EXD3: variants seen among roughly 807,000 people sequenced by gnomAD.
The protein encoded by EXD3 is exonuclease mut-7 homolog.
In EXD3, 92 loss-of-function variants were observed where a neutral mutation model predicts 98.0. That is an observed-to-expected ratio of 0.94 (90% confidence interval 0.79 to 1.12). The LOEUF (loss-of-function observed/expected upper bound fraction) is 1.12, where lower values mean the gene tolerates loss of function less well. Among genes scored for constraint, EXD3 ranks in the 50% most tolerant of loss-of-function variants. EXD3 has a pLI of 0.00. For synonymous variants in EXD3, 569 were observed against 526.0 expected (o/e 1.08, Z -1.12); for missense variants, 1,222 against 1,191.6 (o/e 1.03, Z -0.38).
intron 1 of EXD3, among the ~76,000 whole-genome samples, chr9:137,397,604 A>G (rs1257874907): frequency 6.6e-6 from 1 of 152,234 alleles, no homozygotes; most frequent in Non-Finnish European, 1.5e-5. Flanking sequence ...GAAGGCCTCA[A>G]AGTTATTGGT....
chr9:137,393,036 G>C lies in EXD3; in HGVS notation c.55+2267C>G. 1 of 636,386 alleles carries C rather than the reference G, an allele frequency of 1.6e-6. No individual in the cohort carries two copies. Among genetic ancestry groups the C allele is most frequent in the Non-Finnish European group, 2.8e-6 (1 of 353,882 alleles). 39.4% of individuals were successfully genotyped at this position (636,386 alleles called of 1,614,324 possible). ...GTGTCTGTTCCAGGGAGGGCCATTA[G>C]TGTTCCAGGGGGTGCTGAGGCTGTT... On this transcript the variant is annotated intron_variant, in intron 2 of 21. Transcript: ENST00000340951. This position sits in a 1 kb window ranked among gnomAD's most constrained non-coding sequence, Gnocchi z 4.6.
intron 17 of EXD3, among the ~76,000 whole-genome samples, chr9:137,345,134 G>A (rs1391041346): frequency 1.3e-5 from 2 of 152,238 alleles, no homozygotes; most frequent in African/African-American, 2.4e-5. Context: ...GGCGTTTCCC[G>A]CCACTACCTG....
At chr9:137,366,774 A>T in intron 6 of EXD3, 142 bp from the exon 7 acceptor site, 1 of 1,084,380 alleles carries the variant, frequency 9.2e-7, no homozygotes, top group Non-Finnish European at 1.3e-6. Context: ...TCGCCCGGCC[A>T]GTGCTCACGC....
intron 19 of EXD3, among the ~76,000 whole-genome samples, chr9:137,318,426 C>T (rs1420172983): frequency 6.6e-6 from 1 of 152,160 alleles, no homozygotes. Context: ...GCTGACGCCA[C>T]TGTTTCAGGA....
chr9:137,330,224 ACTACACAGGACTACACAGGAG>A (rs1040073631), intron 17 of EXD3, among the ~76,000 whole-genome samples: 2 of 122,606 alleles, frequency 1.6e-5, no homozygotes, highest in South Asian at 3.1e-4. Flanking sequence ...CTACACAGGA[ACTACACAGGACTACACAGGAG>A]CTACACAGGG....
intron 19 of EXD3, among the ~76,000 whole-genome samples, chr9:137,318,528 CAG>C (rs1211090050): frequency 3.9e-5 from 6 of 152,142 alleles, no homozygotes; most frequent in African/African-American, 1.4e-4. Context: ...CTGGCCATGT[CAG>C]GGGTTCATGG....
chr9:137,354,319 A>G lies in EXD3; in HGVS notation c.870+20T>C, dbSNP rs747043628. On this transcript the variant is annotated intron_variant, in intron 10 of 21. Coordinates refer to ENST00000340951, the MANE Select transcript of EXD3 (RefSeq NM_017820.5). Reference sequence around the variant, plus strand: ...CGCCCAGGCCGCCCTGCCGGCTTACAGGCAAGGGCACGAACTCACCTGCAC... The same window carrying G: ...CGCCCAGGCCGCCCTGCCGGCTTACGGGCAAGGGCACGAACTCACCTGCAC... The G allele has an allele frequency of 6.2e-7, 1 of 1,611,714 alleles. No individual in the cohort carries two copies. Among genetic ancestry groups the G allele is most frequent in the South Asian group, 1.1e-5 (1 of 90,932 alleles).
rs1321036167 is a variant in EXD3 at position 137,347,931 on chromosome 9, G to A, written c.1998+140C>T. 3.0e-5 allele frequency: 32 copies of A among 1,062,376 alleles called. No individual in the cohort carries two copies. Among genetic ancestry groups the A allele is most frequent in the Middle Eastern group, 3.2e-4 (1 of 3,112 alleles). The allele number at this position is 1,062,376 out of a possible 1,614,324, so 65.8% of individuals were successfully genotyped here. On this transcript the variant is annotated intron_variant, in intron 17 of 21. Transcript: ENST00000340951. The surrounding 1 kb of genome is among the most constrained non-coding windows in gnomAD (Gnocchi z 4.2). ...CAACCGCTCCATCCTTGGCCACCCC[G>A]TCCTGTTCCCAGAGCCTGCCTGGCA...
chr9:137,354,672 C>A (rs762673792), intron 9 of EXD3, 28 bp downstream of exon 9: 1 of 1,608,958 alleles, frequency 6.2e-7, no homozygotes, highest in Admixed American at 1.7e-5. Flanking sequence ...CGGCTGGCTG[C>A]CCCCAGGACC....
At chr9:137,355,120 G>A (rs1349047557) in intron 8 of EXD3, among the ~76,000 whole-genome samples, 4 of 152,178 alleles carry the variant, frequency 2.6e-5, no homozygotes, top group Admixed American at 6.6e-5. Context: ...AACCCTCGTG[G>A]ACAGAGCCGG....
intron 1 of EXD3, among the ~76,000 whole-genome samples, chr9:137,419,217 A>G (rs1838388368): frequency 6.6e-6 from 1 of 152,108 alleles, no homozygotes; most frequent in Non-Finnish European, 1.5e-5. Flanking sequence ...AAATTCTGAC[A>G]TGTCTTGGTA....
At chr9:137,365,697 C>T (rs923202033) in intron 7 of EXD3, 12 of 282,558 alleles carry the variant, frequency 4.2e-5, no homozygotes, top group African/African-American at 6.8e-5. Context: ...CATGCACACA[C>T]GTACACACCC....
At chr9:137,419,792 T>C (rs1019158020) in intron 1 of EXD3, among the ~76,000 whole-genome samples, 3 of 152,254 alleles carry the variant, frequency 2.0e-5, no homozygotes, top group Middle Eastern at 3.4e-3. Flanking sequence ...ATCACACCAG[T>C]AGACCAGATA....
intron 1 of EXD3, among the ~76,000 whole-genome samples, chr9:137,413,786 AC>A (rs1256843191): frequency 6.6e-6 from 1 of 151,620 alleles, no homozygotes; most frequent in Non-Finnish European, 1.5e-5. Context: ...CCCAAAGACA[AC>A]CAACCATGTG....
At chr9:137,335,790 G>A (rs1203881940) in intron 17 of EXD3, among the ~76,000 whole-genome samples, 1 of 152,148 alleles carries the variant, frequency 6.6e-6, no homozygotes, top group Non-Finnish European at 1.5e-5. Context: ...CCACTACTGA[G>A]TATCTACCCA....
chr9:137,314,665 C>G (rs1382921538), intron 19 of EXD3, among the ~76,000 whole-genome samples: 3 of 152,166 alleles, frequency 2.0e-5, no homozygotes, highest in Non-Finnish European at 4.4e-5. Flanking sequence ...GCCCCTCCCC[C>G]ACCCAGCCGC....
chr9:137,388,700 A>G (rs906855896), intron 2 of EXD3, among the ~76,000 whole-genome samples: 2 of 152,096 alleles, frequency 1.3e-5, no homozygotes, highest in Admixed American at 6.6e-5. Flanking sequence ...TGGTCTTCAC[A>G]AAGCCCCCGA....
At chr9:137,364,719 A>G (rs1400413781) in intron 7 of EXD3, among the ~76,000 whole-genome samples, 1 of 151,294 alleles carries the variant, frequency 6.6e-6, no homozygotes, top group Non-Finnish European at 1.5e-5. Context: ...TTTCTTCGCA[A>G]TGAGACCCCT....
At chr9:137,325,703 G>C (rs568319444) in intron 17 of EXD3, among the ~76,000 whole-genome samples, 1 of 152,150 alleles carries the variant, frequency 6.6e-6, no homozygotes. Context: ...AAAGTGCTGG[G>C]ATTACAGGTG....
Sources: gnomAD v4.1 joint callset for allele counts (sites outside exome capture counted in the v4.1 genomes callset) on GRCh38, gnomAD v4.1.1 for gene constraint, Gnocchi (gnomAD v3.1) non-coding constraint, MANE v1.5 for transcripts, NCBI Gene and HGNC (gene_info 2026-07-23, HGNC 2026-07-21) for gene names.